The following WDFY4 variants were observed in gnomAD, a reference collection of about 807,000 sequenced individuals.
WDFY4 encodes the protein WD repeat- and FYVE domain-containing protein 4.
Under a neutral mutation model 351.9 loss-of-function variants are expected in WDFY4, and 169 were observed. That is an observed-to-expected ratio of 0.48 (90% CI 0.42 to 0.55). The LOEUF (loss-of-function observed/expected upper bound fraction) is 0.55. Ranked by LOEUF, WDFY4 falls within the 20% of genes least tolerant of loss-of-function variation. The pLI, the probability that WDFY4 is intolerant of heterozygous loss-of-function variation, is 0.00. For synonymous variants in WDFY4, 1,622 were observed against 1,574.6 expected (o/e 1.03, Z -0.71); for missense variants, 3,803 against 3,935.6 (o/e 0.97, Z 0.90).
chr10:48,840,041 A>G (rs2068542631), intron 39 of WDFY4, among the ~76,000 whole-genome samples: 1 of 152,192 alleles, frequency 6.6e-6, no homozygotes, highest in Non-Finnish European at 1.5e-5. Context: ...GGCTAGGAAT[A>G]TTTCCAGACG....
chr10:48,908,336 C>G (rs781459839), intron 47 of WDFY4, among the ~76,000 whole-genome samples: 8 of 152,236 alleles, frequency 5.3e-5, no homozygotes, highest in Non-Finnish European at 1.2e-4. Flanking sequence ...TCCTAGTTGC[C>G]CCCTGTGCCC....
chr10:48,808,591 C>G (rs1056714809), intron 28 of WDFY4, among the ~76,000 whole-genome samples: 3 of 152,158 alleles, frequency 2.0e-5, no homozygotes, highest in Non-Finnish European at 4.4e-5. Flanking sequence ...CAAGTCAGCC[C>G]GGATCCTTGC....
At chr10:48,897,103 C>G (rs532121373) in intron 44 of WDFY4, among the ~76,000 whole-genome samples, 1 of 152,316 alleles carries the variant, frequency 6.6e-6, no homozygotes, top group Non-Finnish European at 1.5e-5. Context: ...CACTCTCACC[C>G]AGGGGCCTTC....
At chr10:48,866,229 T>G (rs114311177) in intron 39 of WDFY4, among the ~76,000 whole-genome samples, 103 of 152,312 alleles carry the variant, frequency 6.8e-4, no homozygotes, top group African/African-American at 2.2e-3. Flanking sequence ...TTTATAACTA[T>G]GAGTTTTCCT....
intron 36 of WDFY4, among the ~76,000 whole-genome samples, chr10:48,827,770 T>C (rs2068053857): frequency 6.6e-6 from 1 of 151,376 alleles, no homozygotes; most frequent in Non-Finnish European, 1.5e-5. Flanking sequence ...TACAAAACAC[T>C]AGCATTGACT....
intron 1 of WDFY4, among the ~76,000 whole-genome samples, chr10:48,693,451 A>T (rs974234267): frequency 6.6e-6 from 1 of 152,184 alleles, no homozygotes; most frequent in Non-Finnish European, 1.5e-5. Flanking sequence ...TTTCTGTTCT[A>T]TTCAGATGCC....
At chr10:48,690,583 G>T (rs2136298735) in intron 1 of WDFY4, among the ~76,000 whole-genome samples, 1 of 152,294 alleles carries the variant, frequency 6.6e-6, no homozygotes, top group South Asian at 2.1e-4. Context: ...TTGTCCTGAT[G>T]AGCACTCAGC....
intron 43 of WDFY4, among the ~76,000 whole-genome samples, chr10:48,888,050 G>A (rs1013676106): frequency 1.3e-5 from 2 of 152,192 alleles, no homozygotes; most frequent in African/African-American, 2.4e-5. Flanking sequence ...AGAGCAGTAA[G>A]CATATAAATG....
At chr10:48,875,809 G>A (rs1337594981) in intron 42 of WDFY4, among the ~76,000 whole-genome samples, 2 of 152,184 alleles carry the variant, frequency 1.3e-5, no homozygotes, top group African/African-American at 4.8e-5. Flanking sequence ...AGTAATACAA[G>A]CCCAGAAGTG....
chr10:48,725,743 A>G lies in WDFY4; in HGVS notation c.592-138A>G, dbSNP rs1315478505. On this transcript the variant is annotated intron_variant, in intron 5 of 61. Transcript: ENST00000325239. ...TCTGTTGACCCTGCTGGTCTGGGAC[A>G]GAGGGTGACCCCATTCAATCCTGTC... 3.2e-6 allele frequency: 3 copies of G among 933,516 alleles called. No homozygotes were observed. In the Admixed American group the frequency reaches 7.8e-5, roughly 24 times the overall value. 57.8% of individuals were successfully genotyped at this position (933,516 alleles called of 1,614,324 possible).
intron 60 of WDFY4, chr10:48,979,024 ATTC>A (rs1327448490): frequency 6.6e-6 from 1 of 152,334 alleles, no homozygotes; most frequent in Non-Finnish European, 1.5e-5. Context: ...CCATTTGTGG[ATTC>A]TTCTTCAGGC....
intron 11 of WDFY4, 39 bp from the exon 12 acceptor site, chr10:48,742,929 T>A (rs1468798439): frequency 6.6e-7 from 1 of 1,510,574 alleles, no homozygotes; most frequent in South Asian, 1.2e-5. Context: ...TTAATCTACC[T>A]CCTGGAGTGC....
chr10:48,951,736 T>C (rs1174709356), intron 51 of WDFY4, among the ~76,000 whole-genome samples: 2 of 152,186 alleles, frequency 1.3e-5, no homozygotes, highest in East Asian at 1.9e-4. Context: ...TCTGTGAGTC[T>C]CCAGAAAGCT....
intron 32 of WDFY4, among the ~76,000 whole-genome samples, chr10:48,819,390 G>A (rs1025619800): frequency 5.9e-5 from 9 of 152,186 alleles, no homozygotes; most frequent in Admixed American, 4.6e-4. Context: ...GCCGCACGGA[G>A]CTAATTAATG....
chr10:48,866,771 C>A (rs1156523708), intron 39 of WDFY4, among the ~76,000 whole-genome samples: 1 of 152,224 alleles, frequency 6.6e-6, no homozygotes, highest in African/African-American at 2.4e-5. Context: ...TGAATGTATT[C>A]ATATGTGAGT....
intron 13 of WDFY4, among the ~76,000 whole-genome samples, chr10:48,772,106 T>G (rs1313179161): frequency 6.6e-6 from 1 of 152,108 alleles, no homozygotes; most frequent in Non-Finnish European, 1.5e-5. Flanking sequence ...TCGGGTTCCC[T>G]GGGAGTGGAG....
At chr10:48,842,030 T>C (rs1025495542) in intron 39 of WDFY4, among the ~76,000 whole-genome samples, 1 of 152,154 alleles carries the variant, frequency 6.6e-6, no homozygotes, top group African/African-American at 2.4e-5. Flanking sequence ...CTGATGCAGA[T>C]GAGAAGAGAA....
intron 11 of WDFY4, among the ~76,000 whole-genome samples, chr10:48,738,925 G>A (rs1266140193): frequency 6.6e-6 from 1 of 152,160 alleles, no homozygotes; most frequent in Admixed American, 6.5e-5. Context: ...AAGCAACTTA[G>A]GGCAGTTATT....
intron 51 of WDFY4, among the ~76,000 whole-genome samples, chr10:48,949,112 G>A (rs924400111): frequency 2.0e-5 from 3 of 152,194 alleles, no homozygotes; most frequent in African/African-American, 7.2e-5. Flanking sequence ...ATCTTACCTT[G>A]AGCCCTTTTG....
Sources: gnomAD v4.1 joint callset for allele counts (sites outside exome capture counted in the v4.1 genomes callset) on GRCh38, gnomAD v4.1.1 for gene constraint, MANE v1.5 for transcripts, NCBI Gene and HGNC (gene_info 2026-07-23, HGNC 2026-07-21) for gene names.